The following SLC44A5 variants were observed in gnomAD, a reference collection of about 807,000 sequenced individuals.
SLC44A5 encodes the protein solute carrier family 44 member 5.
Under a neutral mutation model 101.8 loss-of-function variants are expected in SLC44A5, and 57 were observed. The observed-to-expected ratio is 0.56, with a 90% CI of 0.45 to 0.70. SLC44A5 has a LOEUF of 0.70. Ranked by LOEUF, SLC44A5 falls within the 30% of genes least tolerant of loss-of-function variation. SLC44A5 has a pLI of 0.00. For synonymous variants in SLC44A5, 281 were observed against 290.9 expected (o/e 0.97, Z 0.35); for missense variants, 737 against 853.1 (o/e 0.86, Z 1.70).
In SLC44A5 at chr1:75,280,241, A is replaced by AAT. The variant is rs370138576; in HGVS notation, c.176-5201_176-5200dup. Among the ~76,000 whole-genome samples, 2 of 8,026 alleles carry AAT rather than the reference A, an allele frequency of 2.5e-4. 1 individual carries two copies. Among genetic ancestry groups the AAT allele is most frequent in the Non-Finnish European group, 7.7e-4 (2 of 2,588 alleles). The allele number at this position is 8,026 out of a possible 152,430, so 5.3% of individuals were successfully genotyped here. On this transcript the variant is annotated intron_variant, in intron 5 of 23. Transcript: ENST00000370859. ...TGTATATATTATATATTGTATATAT[A>AAT]ATATATATTGTATATATTATATATT...
At chr1:75,540,729 T>C (rs908760868) in intron 2 of SLC44A5, among the ~76,000 whole-genome samples, 2 of 152,220 alleles carry the variant, frequency 1.3e-5, no homozygotes, top group Non-Finnish European at 2.9e-5. Flanking sequence ...GAGATAGATT[T>C]ACCTTCACGA....
At chr1:75,420,323 T>C (rs940439546) in intron 2 of SLC44A5, among the ~76,000 whole-genome samples, 2 of 152,064 alleles carry the variant, frequency 1.3e-5, no homozygotes, top group Non-Finnish European at 2.9e-5. Flanking sequence ...AAAGTATAGC[T>C]ATTAAATTAT....
chr1:75,479,275 A>C (rs1345219294), intron 2 of SLC44A5, among the ~76,000 whole-genome samples: 1 of 152,250 alleles, frequency 6.6e-6, no homozygotes, highest in African/African-American at 2.4e-5. Flanking sequence ...AACTTATAGC[A>C]CTAAATGCCC....
chr1:75,337,254 C>T (rs550163909), intron 4 of SLC44A5, among the ~76,000 whole-genome samples: 9 of 152,216 alleles, frequency 5.9e-5, no homozygotes, highest in African/African-American at 1.9e-4. Context: ...AAGAATTATG[C>T]TAGTTGGTAA....
chr1:75,274,634 G>C (rs1379671795), intron 6 of SLC44A5, among the ~76,000 whole-genome samples: 1 of 152,106 alleles, frequency 6.6e-6, no homozygotes, highest in Non-Finnish European at 1.5e-5. Context: ...TCATACCTCA[G>C]TCTTCTAATA....
the SLC44A5 span, among the ~76,000 whole-genome samples, chr1:75,644,172 T>A: frequency 2.0e-5 from 3 of 152,190 alleles, no homozygotes; most frequent in African/African-American, 7.2e-5. Context: ...TCAAGGGAAC[T>A]GGTAAAATTT....
At chr1:75,529,090 A>G (rs1003879643) in intron 2 of SLC44A5, among the ~76,000 whole-genome samples, 1 of 152,160 alleles carries the variant, frequency 6.6e-6, no homozygotes, top group African/African-American at 2.4e-5. Context: ...ACAAATATTT[A>G]TCATTTTTGC....
chr1:75,616,680 G>A, the SLC44A5 span, among the ~76,000 whole-genome samples: 2 of 152,186 alleles, frequency 1.3e-5, no homozygotes, highest in Non-Finnish European at 2.9e-5. Flanking sequence ...CTCCCGAACC[G>A]AGAAGGAAAG....
chr1:75,391,007 A>T (rs1439616541), intron 3 of SLC44A5, among the ~76,000 whole-genome samples: 3 of 152,208 alleles, frequency 2.0e-5, no homozygotes, highest in Admixed American at 6.5e-5. Flanking sequence ...TTTAGGATAC[A>T]AAATCAATGT....
At chr1:75,531,686 A>G (rs193193191) in intron 2 of SLC44A5, among the ~76,000 whole-genome samples, 69 of 152,288 alleles carry the variant, frequency 4.5e-4, no homozygotes, top group Middle Eastern at 6.8e-3. Flanking sequence ...CATATCTCCA[A>G]TCTCTTTATC....
chr1:75,580,030 T>C (rs183090232), intron 1 of SLC44A5, among the ~76,000 whole-genome samples: 8 of 152,240 alleles, frequency 5.3e-5, no homozygotes, highest in South Asian at 2.1e-4. Flanking sequence ...TTGTTAACTA[T>C]CCAGTGAGCA....
At chr1:75,646,448 C>A in the SLC44A5 span, among the ~76,000 whole-genome samples, 1 of 152,132 alleles carries the variant, frequency 6.6e-6, no homozygotes, top group Non-Finnish European at 1.5e-5. Flanking sequence ...GACATGAGAA[C>A]CTTCAGAAAT....
chr1:75,329,179 A>G (rs976265309), intron 4 of SLC44A5, among the ~76,000 whole-genome samples: 14 of 151,966 alleles, frequency 9.2e-5, no homozygotes, highest in African/African-American at 3.4e-4. Flanking sequence ...GTTACTCTAG[A>G]CTCCTCCCTG....
At chr1:75,642,233 T>C in the SLC44A5 span, 1 of 537,734 alleles carries the variant, frequency 1.9e-6, no homozygotes, top group Non-Finnish European at 3.3e-6. Flanking sequence ...AATCACTTGA[T>C]ATTATGATGA....
chr1:75,471,585 C>T (rs1667115672), intron 2 of SLC44A5, among the ~76,000 whole-genome samples: 1 of 152,120 alleles, frequency 6.6e-6, no homozygotes, highest in Non-Finnish European at 1.5e-5. Flanking sequence ...AGAATGCGGG[C>T]AGAGCTCATG....
At chr1:75,542,227 T>C (rs1049742705) in intron 1 of SLC44A5, among the ~76,000 whole-genome samples, 1 of 152,156 alleles carries the variant, frequency 6.6e-6, no homozygotes, top group African/African-American at 2.4e-5. Flanking sequence ...AGAGTTACCA[T>C]GTACCCTTCA....
At chr1:75,723,945 C>T in the SLC44A5 span, 24 of 152,240 alleles carry the variant, frequency 1.6e-4, no homozygotes, top group East Asian at 4.6e-3. Flanking sequence ...AAGCTACCAT[C>T]TCAAAACTCA....
intron 3 of SLC44A5, among the ~76,000 whole-genome samples, chr1:75,362,337 T>C (rs1659549628): frequency 6.6e-6 from 1 of 151,992 alleles, no homozygotes; most frequent in Admixed American, 6.6e-5. Context: ...AACTTGAGGC[T>C]TATTTTGTTC....
At chr1:75,225,524 G>A (rs984464858) in intron 13 of SLC44A5, among the ~76,000 whole-genome samples, 4 of 152,102 alleles carry the variant, frequency 2.6e-5, no homozygotes, top group Non-Finnish European at 5.9e-5. Flanking sequence ...GGATGAGACT[G>A]GCACCTGGGG....
Sources: gnomAD v4.1 joint callset for allele counts (sites outside exome capture counted in the v4.1 genomes callset) on GRCh38, gnomAD v4.1.1 for gene constraint, MANE v1.5 for transcripts, NCBI Gene and HGNC (gene_info 2026-07-23, HGNC 2026-07-21) for gene names.